ELAVL4: variants seen among roughly 807,000 people sequenced by gnomAD.
ELAVL4 encodes ELAV like RNA binding protein 4.
Under a neutral mutation model 35.6 loss-of-function variants are expected in ELAVL4, and 1 was observed. The observed-to-expected ratio is 0.03, with a 90% CI of 0.01 to 0.13. The LOEUF is 0.13. Among genes scored for constraint, ELAVL4 ranks in the 10% least tolerant of loss-of-function variants. The pLI, the probability that ELAVL4 is intolerant of heterozygous loss-of-function variation, is 1.00. For missense variants in ELAVL4, 267 were observed against 464.9 expected (o/e 0.57, Z 3.91); for synonymous variants, 156 against 171.0 (o/e 0.91, Z 0.69).
chr1:50,137,804 A>C (rs1322125042), intron 1 of ELAVL4, among the ~76,000 whole-genome samples: 1 of 152,176 alleles, frequency 6.6e-6, no homozygotes, highest in East Asian at 1.9e-4. Flanking sequence ...TATATTGCTA[A>C]TCAGCTTTTC....
intron 3 of ELAVL4, among the ~76,000 whole-genome samples, chr1:50,191,058 C>A (rs1437859013): frequency 6.6e-6 from 1 of 152,216 alleles, no homozygotes; most frequent in African/African-American, 2.4e-5. Context: ...ACACACACAT[C>A]TTGTGGCACT....
chr1:50,074,344 T>G lies in ELAVL4; in HGVS notation c.18+26162T>G, dbSNP rs1256139531. On this transcript the variant is annotated intron_variant, in intron 1 of 6. Coordinates refer to the ELAVL4 transcript ENST00000448907. ...CTCTCTTGAGTGAATTAAAGGATGA[T>G]TTAAAGAGCATTCACAGGAAGATCG... Among the ~76,000 whole-genome samples the G allele has an allele frequency of 2.0e-5, 3 of 152,294 alleles. No individual in the cohort carries two copies. The East Asian group carries it at 5.8e-4, about 29-fold the overall frequency.
intron 3 of ELAVL4, among the ~76,000 whole-genome samples, chr1:50,183,986 G>T (rs957734129): frequency 3.9e-5 from 6 of 152,126 alleles, no homozygotes; most frequent in African/African-American, 1.2e-4. Context: ...GTCAGCAGGG[G>T]CGGCTGGATC....
chr1:50,174,438 C>T (rs186352206), intron 2 of ELAVL4: 2 of 151,232 alleles, frequency 1.3e-5, no homozygotes, highest in East Asian at 1.9e-4. Context: ...GGAGAATCAT[C>T]ATCATTTTTC....
chr1:50,091,069 T>C (rs978257131), intron 1 of ELAVL4, among the ~76,000 whole-genome samples: 25 of 152,188 alleles, frequency 1.6e-4, no homozygotes, highest in African/African-American at 6.0e-4. Context: ...ATCTTTGAGG[T>C]TCTCTGATTC....
intron 1 of ELAVL4, chr1:50,048,220 C>T: frequency 4.7e-6 from 7 of 1,494,674 alleles, no homozygotes; most frequent in Non-Finnish European, 6.2e-6. Context: ...ACCCCCGACT[C>T]TGCCCGCCCT....
chr1:50,187,623 G>C (rs544417526), intron 3 of ELAVL4, among the ~76,000 whole-genome samples: 1 of 152,286 alleles, frequency 6.6e-6, no homozygotes, highest in South Asian at 2.1e-4. Flanking sequence ...CTTCTTTGGA[G>C]TGATTTGTCT....
chr1:50,078,574 A>G (rs563429361), intron 1 of ELAVL4, among the ~76,000 whole-genome samples: 2 of 152,164 alleles, frequency 1.3e-5, no homozygotes, highest in African/African-American at 4.8e-5. Flanking sequence ...CAGAGGTCTG[A>G]CTCCAAAGCC....
At chr1:50,125,583 A>C (rs1029490636) in intron 1 of ELAVL4, among the ~76,000 whole-genome samples, 5 of 152,208 alleles carry the variant, frequency 3.3e-5, no homozygotes, top group Admixed American at 3.3e-4. Flanking sequence ...CTTAAGATAG[A>C]GAACTCATAA....
chr1:50,058,279 A>G (rs955091159), intron 1 of ELAVL4, among the ~76,000 whole-genome samples: 1 of 152,232 alleles, frequency 6.6e-6, no homozygotes, highest in African/African-American at 2.4e-5. Flanking sequence ...AAATTGGGAT[A>G]ACCAGTACTG....
intron 1 of ELAVL4, among the ~76,000 whole-genome samples, chr1:50,112,113 T>C (rs1283905565): frequency 6.6e-6 from 1 of 152,128 alleles, no homozygotes; most frequent in African/African-American, 2.4e-5. Context: ...TCTTTTTGTT[T>C]TCTCTTCTTA....
intron 1 of ELAVL4, among the ~76,000 whole-genome samples, chr1:50,116,181 G>A (rs1180880746): frequency 6.6e-6 from 1 of 152,102 alleles, no homozygotes; most frequent in Non-Finnish European, 1.5e-5. Flanking sequence ...CTTTCAGTCA[G>A]CAGCCCATGA....
At chr1:50,106,766 G>T (rs777762365), upstream of ELAVL4, among the ~76,000 whole-genome samples, 2 of 152,072 alleles carry the variant, frequency 1.3e-5, no homozygotes, top group Non-Finnish European at 2.9e-5. Flanking sequence ...TTAAAGTGGA[G>T]GTTTGTGGAA....
At chr1:50,051,013 AATCT>A (rs1663341919) in intron 1 of ELAVL4, among the ~76,000 whole-genome samples, 1 of 152,164 alleles carries the variant, frequency 6.6e-6, no homozygotes, top group Admixed American at 6.5e-5. Flanking sequence ...TTATAATATC[AATCT>A]ATCGTAAATA....
chr1:50,092,306 T>C (rs948974798), intron 1 of ELAVL4, among the ~76,000 whole-genome samples: 1 of 152,158 alleles, frequency 6.6e-6, no homozygotes, highest in African/African-American at 2.4e-5. Context: ...CTTATAGGTG[T>C]ATGACCATCA....
chr1:50,132,727 C>G (rs1364599405), intron 1 of ELAVL4, among the ~76,000 whole-genome samples: 2 of 152,134 alleles, frequency 1.3e-5, no homozygotes, highest in Non-Finnish European at 2.9e-5. Flanking sequence ...GAGACAGAAT[C>G]ATTTTTAATA....
At chr1:50,187,894 G>T (rs1039977619) in intron 3 of ELAVL4, among the ~76,000 whole-genome samples, 2 of 152,146 alleles carry the variant, frequency 1.3e-5, no homozygotes, top group Non-Finnish European at 2.9e-5. Context: ...TCAGGAGTTC[G>T]AGACCAACCT....
intron 2 of ELAVL4, among the ~76,000 whole-genome samples, chr1:50,154,077 A>G (rs1465651750): frequency 6.6e-6 from 1 of 152,238 alleles, no homozygotes; most frequent in Non-Finnish European, 1.5e-5. Flanking sequence ...TTCAAGAGAT[A>G]ATGAATAGAA....
intron 1 of ELAVL4, among the ~76,000 whole-genome samples, chr1:50,072,524 G>C (rs1346541817): frequency 6.6e-6 from 1 of 152,100 alleles, no homozygotes; most frequent in Non-Finnish European, 1.5e-5. Flanking sequence ...CATCATCACT[G>C]ATGAATGACA....
Sources: allele counts gnomAD v4.1 joint callset (sites outside exome capture counted in the v4.1 genomes callset), GRCh38; gene constraint gnomAD v4.1.1; transcripts MANE v1.5; gene names NCBI Gene and HGNC (gene_info 2026-07-23, HGNC 2026-07-21).